The following ERBB4 variants were observed in gnomAD, a reference collection of about 807,000 sequenced individuals.
The protein encoded by ERBB4 is receptor tyrosine-protein kinase erbB-4.
ERBB4 carries 42 observed loss-of-function variants against 158.0 expected under a neutral mutation model. That is an observed-to-expected ratio of 0.27 (90% CI 0.21 to 0.34). The LOEUF (loss-of-function observed/expected upper bound fraction) is 0.34, where lower values mean the gene tolerates loss of function less well. Among genes scored for constraint, ERBB4 ranks in the 10% least tolerant of loss-of-function variants. The pLI is 1.00. For synonymous variants in ERBB4, 583 were observed against 558.7 expected (o/e 1.04, Z -0.61); for missense variants, 1,333 against 1,624.1 (o/e 0.82, Z 3.08).
In ERBB4 at chr2:211,535,589, A is replaced by ATGTGTGTGTGTG. The variant is rs10636668; in HGVS notation, c.2487+26302_2487+26313dup. 414 of 144,824 alleles carry ATGTGTGTGTGTG rather than the reference A, an allele frequency of 2.9e-3. 3 individuals are homozygous for ATGTGTGTGTGTG. The highest frequency in any genetic ancestry group is 9.8e-3 in the African/African-American group (394 of 40,182). The allele number at this position is 144,824 out of a possible 1,614,324, so 9.0% of individuals were successfully genotyped here. A position where few individuals can be genotyped will look rare whatever the true frequency, so the allele number is the denominator to read the frequency against. The stretch of plus-strand genomic sequence containing the variant: ...AAAAAAAAAGAGAGAGAGAGAGTGT[A>ATGTGTGTGTGTG]TGTGTGTGTGTGTGTGTGTGTGTGT... On this transcript the variant is annotated intron_variant, in intron 20 of 27. Transcript: ENST00000342788.
At position 211,708,915 on chromosome 2, in the gene ERBB4, T is replaced by A. The variant is rs569816645; in HGVS notation, c.1124+3135A>T. On this transcript the variant is annotated intron_variant, in intron 9 of 27. Transcript: ENST00000342788. ...AAATCACACTCCAGTCTACTCTGGA[T>A]CAAATTATCCAAGAAGAAATCCTAA... 2.6e-5 allele frequency among the ~76,000 whole-genome samples: 4 copies of A among 152,150 alleles called. No homozygotes were observed. The South Asian group carries it at 8.3e-4, about 32-fold the overall frequency.
intron 1 of ERBB4, among the ~76,000 whole-genome samples, chr2:212,160,410 G>A (rs2081167869): frequency 1.3e-5 from 2 of 151,916 alleles, no homozygotes; most frequent in Admixed American, 6.6e-5. Context: ...TTATTTCCTG[G>A]TAAAGAGGGT....
At chr2:211,421,021 G>C (rs776410486) in intron 24 of ERBB4, among the ~76,000 whole-genome samples, 8 of 151,874 alleles carry the variant, frequency 5.3e-5, no homozygotes, top group Non-Finnish European at 8.8e-5. Flanking sequence ...GGATTATCAG[G>C]ACCATAGGGT....
At chr2:212,000,796 ATATT>A (rs1290587898) in intron 2 of ERBB4, among the ~76,000 whole-genome samples, 1 of 151,892 alleles carries the variant, frequency 6.6e-6, no homozygotes, top group Non-Finnish European at 1.5e-5. Context: ...TATAGATAAT[ATATT>A]TAGTTACATG....
At position 211,709,260 on chromosome 2, in the gene ERBB4, T is replaced by TAC. The variant is rs2073586610; in HGVS notation, c.1124+2789_1124+2790insGT. The stretch of plus-strand genomic sequence containing the variant: ...GTATATATATATATATACACATATA[T>TAC]ATATATATATATATACATACATATA... On this transcript the variant is annotated intron_variant, in intron 9 of 27. Coordinates refer to ENST00000342788, the MANE Select transcript of ERBB4 (RefSeq NM_005235.3). 6.8e-5 allele frequency among the ~76,000 whole-genome samples: 9 copies of TAC among 132,326 alleles called. 1 individual carries two copies. Among genetic ancestry groups the TAC allele is most frequent in the African/African-American group, 2.6e-4 (9 of 35,052 alleles). The allele number at this position is 132,326 out of a possible 152,430, so 86.8% of individuals were successfully genotyped here. A position where few individuals can be genotyped will look rare whatever the true frequency, so the allele number is the denominator to read the frequency against.
chr2:212,428,283 C>T (rs1016139978), intron 1 of ERBB4, among the ~76,000 whole-genome samples: 3 of 152,096 alleles, frequency 2.0e-5, no homozygotes, highest in Admixed American at 1.3e-4. Context: ...TGGAACAATG[C>T]TTTAATTCAT....
At chr2:212,505,781 A>G (rs899003990) in intron 1 of ERBB4, among the ~76,000 whole-genome samples, 2 of 149,018 alleles carry the variant, frequency 1.3e-5, no homozygotes, top group Non-Finnish European at 3.0e-5. Flanking sequence ...GCTTGCTGCA[A>G]CATGAGTAAT....
chr2:212,253,445 A>G (rs1469681226), intron 1 of ERBB4, among the ~76,000 whole-genome samples: 1 of 152,106 alleles, frequency 6.6e-6, no homozygotes, highest in Non-Finnish European at 1.5e-5. Flanking sequence ...AAAAAAACCT[A>G]TAATAAGTAA....
chr2:211,813,105 G>T (rs2105921324), intron 3 of ERBB4, among the ~76,000 whole-genome samples: 1 of 152,338 alleles, frequency 6.6e-6, no homozygotes, highest in African/African-American at 2.4e-5. Context: ...TGGAAAGGCA[G>T]AAATCACCTG....
chr2:211,969,694 C>A (rs918579451), intron 2 of ERBB4, among the ~76,000 whole-genome samples: 2 of 151,852 alleles, frequency 1.3e-5, no homozygotes, highest in East Asian at 3.9e-4. Context: ...TTTTTATTTG[C>A]ATTTTAAAAA....
chr2:212,212,700 G>T (rs1287371670), intron 1 of ERBB4, among the ~76,000 whole-genome samples: 1 of 152,016 alleles, frequency 6.6e-6, no homozygotes, highest in Non-Finnish European at 1.5e-5. Flanking sequence ...AAACAGAATG[G>T]TACTAGTAAC....
At chr2:212,015,120 G>A (rs11903690) in intron 2 of ERBB4, among the ~76,000 whole-genome samples, 8 of 121,928 alleles carry the variant, frequency 6.6e-5, no homozygotes, top group African/African-American at 9.9e-5. Context: ...ATAAAAATTA[G>A]CCGGGCATGG....
intron 20 of ERBB4, among the ~76,000 whole-genome samples, chr2:211,534,347 C>G (rs1041697973): frequency 2.0e-5 from 3 of 151,972 alleles, no homozygotes; most frequent in Admixed American, 2.0e-4. Context: ...CGGGAGAAAA[C>G]CTATTTTATC....
intron 1 of ERBB4, among the ~76,000 whole-genome samples, chr2:212,525,577 C>G (rs1236892355): frequency 6.6e-6 from 1 of 151,948 alleles, no homozygotes; most frequent in African/African-American, 2.4e-5. Context: ...TCTTGACATT[C>G]CCCAATATAG....
chr2:212,103,195 T>G (rs2125522222), intron 2 of ERBB4, among the ~76,000 whole-genome samples: 1 of 152,270 alleles, frequency 6.6e-6, no homozygotes, highest in Non-Finnish European at 1.5e-5. Flanking sequence ...GAGTTACACA[T>G]TCTGCTACTT....
At chr2:212,280,701 A>G (rs1574587984) in intron 1 of ERBB4, among the ~76,000 whole-genome samples, 1 of 151,706 alleles carries the variant, frequency 6.6e-6, no homozygotes, top group East Asian at 1.9e-4. Flanking sequence ...AGATTCCAGA[A>G]TAATGAAATC....
At chr2:211,886,113 A>G (rs1455579488) in intron 3 of ERBB4, among the ~76,000 whole-genome samples, 1 of 152,214 alleles carries the variant, frequency 6.6e-6, no homozygotes, top group African/African-American at 2.4e-5. Context: ...TCTTGGGCAT[A>G]TACAGTTTCT....
chr2:211,567,702 T>C (rs563136827), intron 19 of ERBB4, among the ~76,000 whole-genome samples: 17 of 152,154 alleles, frequency 1.1e-4, no homozygotes, highest in East Asian at 7.7e-4. Context: ...ACAAAGAGTA[T>C]TTGAAACCAA....
chr2:212,061,588 A>C (rs2077770503), intron 2 of ERBB4, among the ~76,000 whole-genome samples: 1 of 151,866 alleles, frequency 6.6e-6, no homozygotes, highest in South Asian at 2.1e-4. Flanking sequence ...AACAGTCATT[A>C]AAATTTGTCA....
Sources: allele counts gnomAD v4.1 joint callset (sites outside exome capture counted in the v4.1 genomes callset), GRCh38; gene constraint gnomAD v4.1.1; transcripts MANE v1.5; gene names NCBI Gene and HGNC (gene_info 2026-07-23, HGNC 2026-07-21).